Variants in RNLS observed in about 807,000 individuals in gnomAD.
RNLS encodes renalase, FAD dependent amine oxidase, also known as renalase.
RNLS carries 39 observed loss-of-function variants against 39.8 expected under a neutral mutation model. The ratio of observed to expected loss-of-function variants is 0.98; its 90% confidence interval spans 0.76 to 1.28. The LOEUF is 1.28. RNLS is among the 50% of genes most tolerant of loss of function. RNLS has a pLI of 0.00. For missense variants in RNLS, 410 were observed against 413.3 expected, an observed-to-expected ratio of 0.99 and a Z score of 0.07; for synonymous variants, 147 against 150.7, an observed-to-expected ratio of 0.98 and a Z score of 0.18.
At chr10:88,194,024 A>G in the RNLS span, among the ~76,000 whole-genome samples, 1 of 152,224 alleles carries the variant, frequency 6.6e-6, no homozygotes, top group African/African-American at 2.4e-5. Flanking sequence ...CTTACTAAAT[A>G]TGAAATCACG....
At chr10:88,485,534 T>G (rs761320263) in intron 4 of RNLS, among the ~76,000 whole-genome samples, 3 of 150,308 alleles carry the variant, frequency 2.0e-5, no homozygotes, top group Non-Finnish European at 4.4e-5. Context: ...CTTTGTAACA[T>G]CAAATCTATG....
intron 4 of RNLS, among the ~76,000 whole-genome samples, chr10:88,554,512 G>T (rs1420628679): frequency 6.6e-6 from 1 of 151,872 alleles, no homozygotes; most frequent in Admixed American, 6.6e-5. Flanking sequence ...CCCACTACAT[G>T]ACCACAGAAC....
intron 4 of RNLS, among the ~76,000 whole-genome samples, chr10:88,393,468 A>T (rs1347596418): frequency 6.6e-6 from 1 of 152,200 alleles, no homozygotes; most frequent in Admixed American, 6.5e-5. Context: ...TAAAATACCT[A>T]GGAATCCAAC....
At chr10:88,547,547 T>C (rs145015483) in intron 4 of RNLS, among the ~76,000 whole-genome samples, 87 of 152,286 alleles carry the variant, frequency 5.7e-4, no homozygotes, top group African/African-American at 2.0e-3. Flanking sequence ...GTTTTTCTAG[T>C]TATGGGTAGG....
intron 6 of RNLS, among the ~76,000 whole-genome samples, chr10:88,300,873 A>G (rs1844464339): frequency 6.6e-6 from 1 of 152,180 alleles, no homozygotes; most frequent in Admixed American, 6.5e-5. Flanking sequence ...GTTTACTTAA[A>G]TAGACCAAGT....
At chr10:88,443,570 C>T (rs1368553139) in intron 4 of RNLS, among the ~76,000 whole-genome samples, 2 of 152,232 alleles carry the variant, frequency 1.3e-5, no homozygotes, top group Non-Finnish European at 2.9e-5. Flanking sequence ...CATAGCCAAG[C>T]AAAGCTGTGA....
At chr10:88,537,906 A>G (rs1445366832) in intron 4 of RNLS, among the ~76,000 whole-genome samples, 3 of 152,210 alleles carry the variant, frequency 2.0e-5, no homozygotes, top group East Asian at 1.9e-4. Context: ...AATGAAAAAG[A>G]TAGTATTGAT....
chr10:88,566,603 T>C (rs950651798), intron 4 of RNLS, among the ~76,000 whole-genome samples: 4 of 152,076 alleles, frequency 2.6e-5, no homozygotes, highest in African/African-American at 9.7e-5. Context: ...CAGGACCTCT[T>C]TGAAACAATA....
intron 4 of RNLS, among the ~76,000 whole-genome samples, chr10:88,479,347 A>AT (rs1053562912): frequency 1.3e-5 from 2 of 152,180 alleles, no homozygotes; most frequent in Admixed American, 6.5e-5. Flanking sequence ...GTTGCAAATC[A>AT]TTTTCATGTT....
chr10:88,307,871 G>A (rs948580537), intron 6 of RNLS, among the ~76,000 whole-genome samples: 3 of 151,898 alleles, frequency 2.0e-5, no homozygotes, highest in Non-Finnish European at 4.4e-5. Context: ...GAATAGCCAC[G>A]GCAATCCTAA....
intron 4 of RNLS, among the ~76,000 whole-genome samples, chr10:88,497,321 A>G (rs1340924426): frequency 6.6e-6 from 1 of 152,090 alleles, no homozygotes; most frequent in African/African-American, 2.4e-5. Flanking sequence ...CATTAAGACA[A>G]AAGAAGATGG....
chr10:88,222,826 G>A, the RNLS span, among the ~76,000 whole-genome samples: 1 of 152,218 alleles, frequency 6.6e-6, no homozygotes, highest in Non-Finnish European at 1.5e-5. Context: ...ATCTGCTGCT[G>A]AGGCAACCAG....
At chr10:88,233,237 G>C in the RNLS span, among the ~76,000 whole-genome samples, 1 of 152,228 alleles carries the variant, frequency 6.6e-6, no homozygotes, top group Non-Finnish European at 1.5e-5. Flanking sequence ...TAAAAGGGGA[G>C]GGGGAAGCCA....
the RNLS span, among the ~76,000 whole-genome samples, chr10:88,229,613 T>C: frequency 9.9e-5 from 15 of 152,224 alleles, no homozygotes; most frequent in South Asian, 3.1e-3. Flanking sequence ...ACAATAAATT[T>C]TATAACATTT....
At chr10:88,389,096 CTGTT>C (rs894190500) in intron 4 of RNLS, among the ~76,000 whole-genome samples, 6 of 152,066 alleles carry the variant, frequency 3.9e-5, no homozygotes, top group South Asian at 2.1e-4. Flanking sequence ...AAAAGGGAAT[CTGTT>C]TGTGTTGGGA....
the RNLS span, among the ~76,000 whole-genome samples, chr10:88,172,842 GTTTT>G: frequency 5.9e-4 from 26 of 43,756 alleles, no homozygotes; most frequent in East Asian, 1.4e-3. Flanking sequence ...ATTTTGAGTT[GTTTT>G]TTTTTTTTTT....
At chr10:88,343,434 G>A in intron 5 of RNLS, 1 of 649,220 alleles carries the variant, frequency 1.5e-6, no homozygotes, top group South Asian at 6.8e-5. Context: ...TGGGAAAGAT[G>A]GGGGAGGAAA....
At chr10:88,192,580 T>C in the RNLS span, among the ~76,000 whole-genome samples, 3 of 152,214 alleles carry the variant, frequency 2.0e-5, no homozygotes, top group African/African-American at 7.2e-5. Flanking sequence ...CCACACCTAC[T>C]TGACTGTGGA....
At chr10:88,181,666 T>C in the RNLS span, among the ~76,000 whole-genome samples, 1 of 152,186 alleles carries the variant, frequency 6.6e-6, no homozygotes, top group Non-Finnish European at 1.5e-5. Context: ...CAGTGGTCTA[T>C]GAAATTTTCA....
Sources: allele counts gnomAD v4.1 joint callset (sites outside exome capture counted in the v4.1 genomes callset), GRCh38; gene constraint gnomAD v4.1.1; transcripts MANE v1.5; gene names NCBI Gene and HGNC (gene_info 2026-07-23, HGNC 2026-07-21).